Variants in LAT2 observed in about 807,000 individuals in gnomAD.
LAT2 encodes linker for activation of T-cells family member 2.
A neutral mutation model predicts 43.4 loss-of-function variants in LAT2; 23 were observed. That is an observed-to-expected ratio of 0.53 (90% CI 0.38 to 0.75). The LOEUF is 0.75. LAT2 is among the 30% of genes least tolerant of loss of function. The pLI, the probability that LAT2 is intolerant of heterozygous loss-of-function variation, is 0.00. For missense variants in LAT2, 284 were observed against 310.2 expected, an observed-to-expected ratio of 0.92 and a Z score of 0.64; for synonymous variants, 128 against 123.2, an observed-to-expected ratio of 1.04 and a Z score of -0.26.
In LAT2 at chr7:74,220,525, C is replaced by T. The variant is rs561330938; in HGVS notation, c.266-59C>T. The stretch of plus-strand genomic sequence containing the variant: ...TGGCCCTGCCTTGGGCTGCAGCACC[C>T]GAGCTGGGTGCAAAGCAGGGGCCAG... On this transcript the variant is annotated intron_variant, in intron 7 of 13. Coordinates refer to ENST00000460943, the MANE Select transcript of LAT2 (RefSeq NM_032464.3). This position sits in a 1 kb window ranked among gnomAD's most constrained non-coding sequence, Gnocchi z 4.5. 13 of 1,607,656 alleles carry T rather than the reference C, an allele frequency of 8.1e-6. No homozygotes were observed. The highest frequency in any genetic ancestry group is 1.0e-5 in the Non-Finnish European group (12 of 1,175,466).
chr7:74,229,602 T>C lies in LAT2; in HGVS notation c.*677T>C, dbSNP rs781968281. The C allele has an allele frequency of 2.6e-5, 4 of 152,594 alleles. No individual in the cohort carries two copies. Among genetic ancestry groups the C allele is most frequent in the Non-Finnish European group, 5.9e-5 (4 of 68,068 alleles). 9.5% of individuals were successfully genotyped at this position (152,594 alleles called of 1,614,324 possible). ...TGGAAATGTCACTTGCTACAGACAA[T>C]AGTGCATGAGAGTCTAGAGAAGTAG... is the stretch of plus-strand genomic sequence containing the variant. On this transcript the variant is annotated 3_prime_UTR_variant, in exon 14 of 14. Transcript: ENST00000460943.
Position 74,220,496 on chromosome 7 carries a change from T to C in LAT2, c.266-88T>C, listed in dbSNP as rs1283595333. 1.3e-6 allele frequency: 2 copies of C among 1,539,064 alleles called. No homozygotes were observed. The highest frequency in any genetic ancestry group is 2.3e-5 in the East Asian group (1 of 44,164). On this transcript the variant is annotated intron_variant, in intron 7 of 13. Transcript: ENST00000460943. This position sits in a 1 kb window ranked among gnomAD's most constrained non-coding sequence, Gnocchi z 4.5. ...ACTGCAAAGGCTCAGACACGGGAAA[T>C]AGCTGGCCCTGCCTTGGGCTGCAGC...
Position 74,229,395 on chromosome 7 carries a change from A to G in LAT2, c.*470A>G, listed in dbSNP as rs896439994. ...TTATAGAGGGGGAGCCATATTTAAC[A>G]TTCTGGATTTCAGAGTAGAGATTTC... On this transcript the variant is annotated 3_prime_UTR_variant, in exon 14 of 14. Transcript: ENST00000460943. 5 of 152,782 alleles carry G rather than the reference A, an allele frequency of 3.3e-5. No homozygotes were observed. The South Asian group carries it at 1.0e-3, about 32-fold the overall frequency. 9.5% of individuals were successfully genotyped at this position (152,782 alleles called of 1,614,324 possible).
chr7:74,218,013 T>G (rs561069880), intron 4 of LAT2, among the ~76,000 whole-genome samples: 1 of 152,238 alleles, frequency 6.6e-6, no homozygotes, highest in African/African-American at 2.4e-5. Flanking sequence ...ATGCCCCCCA[T>G]GCCCTTGACT....
chr7:74,223,969 G>A (rs1554715683), intron 11 of LAT2, 49 bp from the exon 12 acceptor site: 3 of 1,578,242 alleles, frequency 1.9e-6, no homozygotes, highest in South Asian at 2.2e-5. Context: ...TTGGCTCCTG[G>A]TGCCTCTGTG....
rs552353211 is a variant in LAT2, at chr7:74,227,773, G to A, written c.*19-1171G>A. On this transcript the variant is annotated intron_variant, in intron 13 of 13. Transcript: ENST00000460943. Reference sequence around the variant, plus strand: ...GTGTAGTCCCAGCTACTCGGAGGTTGAGGCGGGAGGATAGCTTGAGTCTAG... The same window carrying A: ...GTGTAGTCCCAGCTACTCGGAGGTTAAGGCGGGAGGATAGCTTGAGTCTAG... Among the ~76,000 whole-genome samples, 28 of 152,124 alleles carry A rather than the reference G, an allele frequency of 1.8e-4. No individual in the cohort carries two copies. The South Asian group carries it at 5.6e-3, about 30-fold the overall frequency.
chr7:74,220,366 C>A lies in LAT2; in HGVS notation c.265+112C>A. ...GTGGGGGCTGCGGGGCCAGGCGAGG[C>A]CTCCCCAGGAGAGACACACAGGCTG... On this transcript the variant is annotated intron_variant, in intron 7 of 13. Coordinates refer to ENST00000460943, the MANE Select transcript of LAT2 (RefSeq NM_032464.3). The surrounding 1 kb of genome is among the most constrained non-coding windows in gnomAD (Gnocchi z 4.5). 1 of 1,346,026 alleles carries A rather than the reference C, an allele frequency of 7.4e-7. No homozygotes were observed. The highest frequency in any genetic ancestry group is 1.3e-5 in the South Asian group (1 of 77,228). 83.4% of individuals were successfully genotyped at this position (1,346,026 alleles called of 1,614,324 possible).
At position 74,224,172 on chromosome 7, in the gene LAT2, G is replaced by A. The variant is rs2116184079; in HGVS notation, c.603G>A (p.Gln201=). 1.2e-6 allele frequency: 2 copies of A among 1,614,022 alleles called. No homozygotes were observed. The highest frequency in any genetic ancestry group is 4.5e-5 in the East Asian group (2 of 44,882). Residue 201 remains glutamine (Q), a synonymous_variant, in exon 12 of 14, where the codon CAG becomes CAA. Coordinates refer to ENST00000460943, the MANE Select transcript of LAT2 (RefSeq NM_032464.3). ...EDYQNSASIH[Q]WRESRKVMGQ... ...ATCAGAACTCAGCATCCATCCATCA[G>A]TGGCGCGAGTCCAGGAAGGTCATGG...
At chr7:74,218,696 A>C (rs1216986473) in intron 4 of LAT2, among the ~76,000 whole-genome samples, 3 of 152,102 alleles carry the variant, frequency 2.0e-5, no homozygotes, top group African/African-American at 4.8e-5. Context: ...TCTATTATTT[A>C]TTTCTTTATT....
intron 4 of LAT2, among the ~76,000 whole-genome samples, chr7:74,217,611 G>A (rs571543842): frequency 2.6e-5 from 4 of 152,248 alleles, no homozygotes; most frequent in South Asian, 2.1e-4. Context: ...AAAAACTGCC[G>A]GAGCTCAGGG....
chr7:74,210,611 C>G (rs1429547627), intron 1 of LAT2, among the ~76,000 whole-genome samples: 1 of 152,044 alleles, frequency 6.6e-6, no homozygotes, highest in Non-Finnish European at 1.5e-5. Context: ...CTCCCTCTCT[C>G]CCTCCCAGCT....
intron 1 of LAT2, among the ~76,000 whole-genome samples, chr7:74,210,411 C>T (rs1428142877): frequency 1.3e-5 from 2 of 152,184 alleles, no homozygotes; most frequent in African/African-American, 2.4e-5. Context: ...GCCTCGGTTT[C>T]CTCATCCGTG....
At chr7:74,218,154 TC>T (rs1554714505) in intron 4 of LAT2, among the ~76,000 whole-genome samples, 3 of 152,160 alleles carry the variant, frequency 2.0e-5, no homozygotes, top group Non-Finnish European at 4.4e-5. Context: ...TTTGGTCTTC[TC>T]CCTGGAATGC....
rs1554714364 is a variant in LAT2, at chr7:74,216,853, G to C, written c.123G>C (p.Gln41His). The C allele has an allele frequency of 1.9e-6, 3 of 1,613,790 alleles. No homozygotes were observed. Among genetic ancestry groups the C allele is most frequent in the East Asian group, 4.5e-5 (2 of 44,870 alleles). ...PGAKRSEKIY[Q>H]QRSLREDQQS... The stretch of plus-strand genomic sequence containing the variant: ...CAAAGAGGTCAGAGAAAATCTACCA[G>C]CAGAGAAGTCTGTGAGTTGCCTCGA... Residue 41 changes from glutamine (Q) to histidine (H), a missense_variant, in exon 4 of 14, where the codon CAG (glutamine) becomes CAC (histidine). Transcript: ENST00000460943.
intron 10 of LAT2, among the ~76,000 whole-genome samples, chr7:74,223,320 C>T (rs1802360571): frequency 6.6e-6 from 1 of 152,180 alleles, no homozygotes; most frequent in South Asian, 2.1e-4. Flanking sequence ...GCGAGATCCT[C>T]TCTACAAACA....
chr7:74,220,374 G>C lies in LAT2; in HGVS notation c.265+120G>C. The C allele has an allele frequency of 7.6e-7, 1 of 1,312,232 alleles. No homozygotes were observed. The highest frequency in any genetic ancestry group is 1.3e-5 in the South Asian group (1 of 76,990). 81.3% of individuals were successfully genotyped at this position (1,312,232 alleles called of 1,614,324 possible). On this transcript the variant is annotated intron_variant, in intron 7 of 13. Transcript: ENST00000460943. The surrounding 1 kb of genome is among the most constrained non-coding windows in gnomAD (Gnocchi z 4.5). Reference sequence around the variant, plus strand: ...TGCGGGGCCAGGCGAGGCCTCCCCAGGAGAGACACACAGGCTGGGGCAGGG... The same window carrying C: ...TGCGGGGCCAGGCGAGGCCTCCCCACGAGAGACACACAGGCTGGGGCAGGG...
At chr7:74,223,812 G>A in intron 11 of LAT2, 29 bp downstream of exon 11, 1 of 1,608,206 alleles carries the variant, frequency 6.2e-7, no homozygotes, top group Non-Finnish European at 8.5e-7. Flanking sequence ...AGGCAGGCTG[G>A]GGCTGGGAGC....
chr7:74,224,235 G>C, intron 12 of LAT2, 38 bp downstream of exon 12: 1 of 1,600,588 alleles, frequency 6.2e-7, no homozygotes, highest in South Asian at 1.1e-5. Context: ...GGTCCACTTA[G>C]GGCAGGCTTG....
chr7:74,221,734 G>A, intron 10 of LAT2, 42 bp downstream of exon 10: 1 of 1,570,918 alleles, frequency 6.4e-7, no homozygotes, highest in Non-Finnish European at 8.7e-7. Flanking sequence ...AAGTGGTGTG[G>A]GAGCTCAGGG....
Sources: gnomAD v4.1 joint callset for allele counts (sites outside exome capture counted in the v4.1 genomes callset) on GRCh38, gnomAD v4.1.1 for gene constraint, Gnocchi (gnomAD v3.1) non-coding constraint, MANE v1.5 for transcripts, NCBI Gene and HGNC (gene_info 2026-07-23, HGNC 2026-07-21) for gene names.